ZDHHC15: variants seen among roughly 807,000 people sequenced by gnomAD.
The protein encoded by ZDHHC15 is zDHHC palmitoyltransferase 15, also known as palmitoyltransferase ZDHHC15.
ZDHHC15 carries 19 observed loss-of-function variants against 31.7 expected under a neutral mutation model. That is an observed-to-expected ratio of 0.60 (90% CI 0.42 to 0.88). ZDHHC15 has a LOEUF of 0.88. Among genes scored for constraint, ZDHHC15 ranks in the 40% least tolerant of loss-of-function variants. The probability of loss-of-function intolerance (pLI) is 0.00; values close to 1 mark genes in which losing one functional copy is unlikely to be tolerated. For synonymous variants in ZDHHC15, 103 were observed against 90.0 expected, an observed-to-expected ratio of 1.14 and a Z score of -0.82; for missense variants, 209 against 251.2, an observed-to-expected ratio of 0.83 and a Z score of 1.14.
chrX:75,373,190 G>C (rs1602529116), intron 11 of ZDHHC15, among the ~76,000 whole-genome samples: 1 of 111,296 alleles, frequency 9.0e-6, no homozygotes, highest in Non-Finnish European at 1.9e-5. Flanking sequence ...TGAAAGTGGT[G>C]GATTCATGGG....
intron 4 of ZDHHC15, among the ~76,000 whole-genome samples, chrX:75,448,667 A>G (rs1015760897): frequency 9.0e-6 from 1 of 111,474 alleles, no homozygotes; most frequent in Non-Finnish European, 1.9e-5. Context: ...AATGCATGAT[A>G]TTTGTATCAT....
chrX:75,430,004 G>A (rs1018698805), intron 5 of ZDHHC15, 24 bp from the exon 6 acceptor site: 8 of 1,197,907 alleles, frequency 6.7e-6, no homozygotes, highest in Admixed American at 2.2e-5. Context: ...AAAATACAGT[G>A]TGATAAGTGA....
chrX:75,506,457 T>G (rs1240189598), intron 1 of ZDHHC15, among the ~76,000 whole-genome samples: 4 of 112,144 alleles, frequency 3.6e-5, no homozygotes, highest in African/African-American at 1.3e-4. Flanking sequence ...TTATTGGGTC[T>G]TAAAAATTCT....
chrX:75,460,181 C>T (rs759998662), intron 3 of ZDHHC15, among the ~76,000 whole-genome samples: 12 of 112,259 alleles, frequency 1.1e-4, no homozygotes, highest in African/African-American at 1.9e-4. Context: ...GGCCAGACTG[C>T]TTCTTTAAGT....
chrX:75,484,837 T>C (rs935261962), intron 2 of ZDHHC15, among the ~76,000 whole-genome samples: 10 of 112,171 alleles, frequency 8.9e-5, no homozygotes, highest in African/African-American at 1.9e-4. Context: ...AACTGGTGAA[T>C]AAATAAGCAA....
intron 3 of ZDHHC15, among the ~76,000 whole-genome samples, chrX:75,470,468 C>A (rs1192871041): frequency 1.8e-5 from 2 of 111,051 alleles, no homozygotes; most frequent in African/African-American, 6.6e-5. Context: ...TGTGGAGAAC[C>A]AAGGAACATA....
chrX:75,452,775 C>T (rs773230087), intron 3 of ZDHHC15, among the ~76,000 whole-genome samples: 1 of 111,851 alleles, frequency 8.9e-6, no homozygotes, highest in Non-Finnish European at 1.9e-5. Flanking sequence ...ACAACCTGCT[C>T]CTGAATGACT....
chrX:75,420,446 C>A (rs958989744), intron 9 of ZDHHC15, among the ~76,000 whole-genome samples: 10 of 111,446 alleles, frequency 9.0e-5, no homozygotes, highest in African/African-American at 2.9e-4. Flanking sequence ...CCAGCCATCC[C>A]ATTACTGGGT....
intron 2 of ZDHHC15, among the ~76,000 whole-genome samples, chrX:75,495,697 C>T (rs1408937127): frequency 5.8e-5 from 6 of 102,579 alleles, no homozygotes; most frequent in East Asian, 6.2e-4. Context: ...AACCAAATAC[C>T]GCATGTTCTC....
At chrX:75,434,895 G>A (rs1363292762) in intron 4 of ZDHHC15, among the ~76,000 whole-genome samples, 5 of 111,955 alleles carry the variant, frequency 4.5e-5, no homozygotes, top group African/African-American at 1.6e-4. Context: ...AGTTTGATGG[G>A]AATTGCATTG....
chrX:75,510,761 A>G (rs1411168139), intron 1 of ZDHHC15, among the ~76,000 whole-genome samples: 5 of 73,909 alleles, frequency 6.8e-5, no homozygotes, highest in East Asian at 9.8e-4. Flanking sequence ...AGAGTGTGAT[A>G]TTCCCCTTCC....
intron 1 of ZDHHC15, among the ~76,000 whole-genome samples, chrX:75,516,029 G>C (rs1452803791): frequency 1.8e-5 from 2 of 111,345 alleles, no homozygotes; most frequent in Non-Finnish European, 3.8e-5. Context: ...ACTTACAAGG[G>C]ATGTGAAGGA....
At chrX:75,495,054 C>T (rs959602131) in intron 2 of ZDHHC15, among the ~76,000 whole-genome samples, 2 of 111,362 alleles carry the variant, frequency 1.8e-5, no homozygotes, top group Non-Finnish European at 3.8e-5. Flanking sequence ...GGCTAATATC[C>T]AGAATCTACA....
In ZDHHC15 at chrX:75,498,900, G is replaced by T. The variant is rs1227828680; in HGVS notation, c.163+6921C>A. Among the ~76,000 whole-genome samples, 3 of 111,768 alleles carry T rather than the reference G, an allele frequency of 2.7e-5. No individual in the cohort carries two copies. The East Asian group carries it at 8.4e-4, about 31-fold the overall frequency. ...TTTCTAAATATACTACCAGGCTATAGTCAACAAAACAGCATGGTACTTGTA... is the reference window on the plus strand; with the variant it reads ...TTTCTAAATATACTACCAGGCTATATTCAACAAAACAGCATGGTACTTGTA... On this transcript the variant is annotated intron_variant, in intron 2 of 11. Coordinates refer to ENST00000373367, the MANE Select transcript of ZDHHC15 (RefSeq NM_144969.3).
At chrX:75,420,779 G>A (rs1342868438) in intron 9 of ZDHHC15, among the ~76,000 whole-genome samples, 1 of 110,550 alleles carries the variant, frequency 9.0e-6, no homozygotes, top group Non-Finnish European at 1.9e-5. Flanking sequence ...ATAGGGAGGG[G>A]AACATCACAC....
chrX:75,516,467 C>G lies in ZDHHC15; in HGVS notation c.136+6422G>C, dbSNP rs180933622. Among the ~76,000 whole-genome samples the G allele has an allele frequency of 8.5e-4, 95 of 112,194 alleles. 1 individual carries two copies. Among genetic ancestry groups the G allele is most frequent in the African/African-American group, 2.5e-3 (78 of 30,919 alleles). On this transcript the variant is annotated intron_variant, in intron 1 of 11. Transcript: ENST00000373367. ...ACCATCTGCTCTTTGTCAAACCTGA[C>G]AAAAACAAGAAATGGGGAAAGGATT...
intron 3 of ZDHHC15, among the ~76,000 whole-genome samples, chrX:75,473,013 C>G (rs150668865): frequency 1.8e-5 from 2 of 112,169 alleles, no homozygotes; most frequent in East Asian, 5.6e-4. Context: ...ATCCTGCACA[C>G]AATGCTTCTG....
chrX:75,504,631 T>C (rs2085131789), intron 2 of ZDHHC15, among the ~76,000 whole-genome samples: 1 of 111,877 alleles, frequency 8.9e-6, no homozygotes, highest in South Asian at 3.7e-4. Flanking sequence ...TATGACTCTG[T>C]TTCTAGTCAA....
intron 10 of ZDHHC15, among the ~76,000 whole-genome samples, chrX:75,411,605 T>C (rs1010160408): frequency 3.6e-5 from 4 of 112,662 alleles, no homozygotes; most frequent in African/African-American, 1.3e-4. Flanking sequence ...CCAATTAACC[T>C]GATTTAATCT....
Sources: gnomAD v4.1 joint callset for allele counts (sites outside exome capture counted in the v4.1 genomes callset) on GRCh38, gnomAD v4.1.1 for gene constraint, MANE v1.5 for transcripts, NCBI Gene and HGNC (gene_info 2026-07-23, HGNC 2026-07-21) for gene names.